Variants in RYR3 observed in about 807,000 individuals in gnomAD.
RYR3 encodes ryanodine receptor 3.
A neutral mutation model predicts 584.3 loss-of-function variants in RYR3; 207 were observed. The observed-to-expected ratio is 0.35, with a 90% CI of 0.32 to 0.40. RYR3 has a LOEUF of 0.40. Ranked by LOEUF, RYR3 falls within the 10% of genes least tolerant of loss-of-function variation. RYR3 has a pLI of 1.00. For synonymous variants in RYR3, 2,416 were observed against 2,248.5 expected, an observed-to-expected ratio of 1.07 and a Z score of -2.11; for missense variants, 5,616 against 6,089.2, an observed-to-expected ratio of 0.92 and a Z score of 2.59.
chr15:33,708,734 C>G (rs2152787861), intron 43 of RYR3, among the ~76,000 whole-genome samples: 1 of 152,268 alleles, frequency 6.6e-6, no homozygotes, highest in Non-Finnish European at 1.5e-5. Flanking sequence ...TAATTCTCAG[C>G]AAGGCAAGGT....
chr15:33,446,880 A>G (rs1048299259), intron 1 of RYR3, among the ~76,000 whole-genome samples: 1 of 152,224 alleles, frequency 6.6e-6, no homozygotes, highest in Admixed American at 6.5e-5. Context: ...ATATTGTAGA[A>G]GGCAGGTTCT....
At chr15:33,813,108 G>A in intron 73 of RYR3, 114 bp downstream of exon 73, 2 of 1,362,514 alleles carry the variant, frequency 1.5e-6, no homozygotes, top group South Asian at 2.7e-5. Flanking sequence ...GAGAAAACAA[G>A]GACCAAGGAT....
chr15:33,598,334 A>G (rs2059487789), intron 16 of RYR3, among the ~76,000 whole-genome samples: 1 of 151,778 alleles, frequency 6.6e-6, no homozygotes, highest in Admixed American at 6.6e-5. Context: ...AAACACGCAC[A>G]CTTGGATGTT....
At chr15:33,364,477 C>G (rs1567101060) in intron 1 of RYR3, among the ~76,000 whole-genome samples, 1 of 152,138 alleles carries the variant, frequency 6.6e-6, no homozygotes, top group Non-Finnish European at 1.5e-5. Flanking sequence ...TCATTTTATC[C>G]AGATCATGGT....
intron 1 of RYR3, among the ~76,000 whole-genome samples, chr15:33,387,581 C>G (rs1409056278): frequency 1.3e-5 from 2 of 150,716 alleles, no homozygotes; most frequent in African/African-American, 4.9e-5. Flanking sequence ...ATATGTGCAA[C>G]TAAGGATCAC....
In RYR3 at chr15:33,548,183, G is replaced by A. The variant is rs1160628325; in HGVS notation, c.794G>A (p.Arg265Lys). Residue 265 changes from arginine (R) to lysine (K), a missense_variant, in exon 9 of 104, where the codon AGA becomes AAA. Physicochemically the swap from Arg to Lys is conservative, Grantham distance 26. Coordinates refer to ENST00000634891, the MANE Select transcript of RYR3 (RefSeq NM_001036.6). The part of the protein sequence containing the change: ...GAGTRARSLW[R>K]VEPLRISWSG... ...GGGACTCGAGCCAGGTCTCTTTGGA[G>A]AGTGGAACCCCTTCGGATAAGGTAA... The A allele has an allele frequency of 6.2e-6, 10 of 1,612,048 alleles. No individual in the cohort carries two copies. The highest frequency in any genetic ancestry group is 8.5e-6 in the Non-Finnish European group (10 of 1,178,842).
chr15:33,742,075 G>T (rs1460125616), intron 51 of RYR3, among the ~76,000 whole-genome samples: 1 of 152,200 alleles, frequency 6.6e-6, no homozygotes, highest in Non-Finnish European at 1.5e-5. Context: ...AACCAAGACA[G>T]GTCTGGCCCA....
intron 8 of RYR3, among the ~76,000 whole-genome samples, chr15:33,547,202 A>G (rs1474793404): frequency 2.0e-5 from 3 of 152,318 alleles, no homozygotes; most frequent in Middle Eastern, 6.8e-3. Flanking sequence ...GTTGAGACAC[A>G]TTTCACAAAA....
At chr15:33,618,231 T>A (rs775840649) in intron 19 of RYR3, among the ~76,000 whole-genome samples, 1 of 152,234 alleles carries the variant, frequency 6.6e-6, no homozygotes, top group Non-Finnish European at 1.5e-5. Flanking sequence ...AAACTCCCCA[T>A]AAATCTATTT....
chr15:33,646,145 A>G (rs907491458), intron 28 of RYR3: 3 of 465,534 alleles, frequency 6.4e-6, no homozygotes, highest in Non-Finnish European at 1.1e-5. Context: ...TTAAATCTCT[A>G]ATTTCCCTAG....
chr15:33,503,861 A>G, intron 3 of RYR3, 123 bp downstream of exon 3: 1 of 638,314 alleles, frequency 1.6e-6, no homozygotes, highest in Admixed American at 2.7e-5. Flanking sequence ...TCATATGGAG[A>G]TAGTAAATCT....
At chr15:33,485,788 G>A (rs953108688) in intron 2 of RYR3, among the ~76,000 whole-genome samples, 3 of 152,214 alleles carry the variant, frequency 2.0e-5, no homozygotes, top group African/African-American at 7.2e-5. Context: ...AAAGTGGATT[G>A]TTAAATTCAG....
intron 1 of RYR3, among the ~76,000 whole-genome samples, chr15:33,355,967 C>T (rs1973918963): frequency 6.6e-6 from 1 of 152,142 alleles, no homozygotes; most frequent in African/African-American, 2.4e-5. Context: ...GTAGTAGATA[C>T]TGTGAGAGAA....
rs374172873 is a variant in RYR3 at position 33,689,610 on chromosome 15, C to T, written c.5861-6608C>T. 4.6e-5 allele frequency among the ~76,000 whole-genome samples: 7 copies of T among 152,028 alleles called. No homozygotes were observed. The East Asian group carries it at 9.7e-4, about 21-fold the overall frequency. On this transcript the variant is annotated intron_variant, in intron 38 of 103. Transcript: ENST00000634891. ...AACTTCCTGATAGAGCTTTTTCTTC[C>T]CTGCTTCTTTAGTCTCCATGTAATG...
chr15:33,588,940 T>C (rs1283849986), intron 16 of RYR3, among the ~76,000 whole-genome samples: 3 of 152,228 alleles, frequency 2.0e-5, no homozygotes, highest in African/African-American at 4.8e-5. Context: ...ATCTTTTTGA[T>C]ATAGCAATTT....
chr15:33,634,906 A>C (rs2061429778), intron 25 of RYR3, among the ~76,000 whole-genome samples, 173 bp downstream of exon 25: 1 of 152,162 alleles, frequency 6.6e-6, no homozygotes, highest in African/African-American at 2.4e-5. Flanking sequence ...ACCATGTTTG[A>C]TATAAACCAT....
At chr15:33,442,848 C>T (rs2046342087) in intron 1 of RYR3, among the ~76,000 whole-genome samples, 1 of 152,218 alleles carries the variant, frequency 6.6e-6, no homozygotes, top group East Asian at 1.9e-4. Context: ...TTGTCCACCA[C>T]AAGGGGCTAT....
Position 33,613,170 on chromosome 15 carries a change from C to G in RYR3, c.2165-13C>G. On this transcript the variant is annotated splice_polypyrimidine_tract_variant and intron_variant, in intron 18 of 103. Coordinates refer to ENST00000634891, the MANE Select transcript of RYR3 (RefSeq NM_001036.6). The stretch of plus-strand genomic sequence containing the variant: ...AGAGTTCCACAGCCTTCTTCCTGTT[C>G]TTTCCTCACCAGGCCGGATACCCAG... 1.2e-6 allele frequency: 2 copies of G among 1,609,936 alleles called. No individual in the cohort carries two copies. The highest frequency in any genetic ancestry group is 8.5e-7 in the Non-Finnish European group (1 of 1,177,044).
chr15:33,496,686 T>G (rs1280329489), intron 2 of RYR3, among the ~76,000 whole-genome samples: 3 of 152,126 alleles, frequency 2.0e-5, no homozygotes, highest in Non-Finnish European at 4.4e-5. Context: ...GATCATTCAT[T>G]AAACAAAAAT....
Sources: allele counts gnomAD v4.1 joint callset (sites outside exome capture counted in the v4.1 genomes callset), GRCh38; gene constraint gnomAD v4.1.1; transcripts MANE v1.5; gene names NCBI Gene and HGNC (gene_info 2026-07-23, HGNC 2026-07-21).